Variants in RAD54L observed in about 807,000 individuals in gnomAD.
RAD54L encodes RAD54 like.
Under a neutral mutation model 91.6 loss-of-function variants are expected in RAD54L, and 74 were observed. The ratio of observed to expected loss-of-function variants is 0.81; its 90% CI spans 0.67 to 0.98. The LOEUF (loss-of-function observed/expected upper bound fraction) is 0.98, where lower values mean the gene tolerates loss of function less well. RAD54L is among the 50% of genes least tolerant of loss of function. RAD54L has a pLI of 0.00. For synonymous variants in RAD54L, 304 were observed against 349.7 expected (o/e 0.87, Z 1.46); for missense variants, 887 against 945.7 (o/e 0.94, Z 0.81).
Position 46,273,395 on chromosome 1 carries a change from T to A in RAD54L, c.1416T>A (p.Asp472Glu), listed in dbSNP as rs374681929. Residue 472 changes from aspartate to glutamate, a missense_variant, in exon 13 of 18, where the codon GAT becomes GAA. Physicochemically the swap from Asp to Glu is conservative, Grantham distance 45 (BLOSUM62 2). Transcript: ENST00000371975. ...ATGATAAGTGTGTGGAAGAGGAGGA[T>A]GGCTTTGTGGGTGCCTTGGACCTCT... ...LIYDKCVEEE[D>E]GFVGALDLFP... 24 of 1,614,038 alleles carry A rather than the reference T, an allele frequency of 1.5e-5. No individual in the cohort carries two copies. In the Middle Eastern group the frequency reaches 6.6e-4, roughly 44 times the overall value.
chr1:46,248,309 C>A lies in RAD54L; in HGVS notation c.-97C>A. On this transcript the variant is annotated 5_prime_UTR_variant, in exon 1 of 18. Coordinates refer to ENST00000371975, the MANE Select transcript of RAD54L (RefSeq NM_003579.4). ...GGTCCTCTCAATAATGTAGCAGCCC[C>A]CTCTACAGATTAGACCCTGGTCCTA... 6.9e-7 allele frequency: 1 copy of A among 1,453,368 alleles called. No homozygotes were observed. The highest frequency in any genetic ancestry group is 9.6e-7 in the Non-Finnish European group (1 of 1,043,428). The allele number at this position is 1,453,368 out of a possible 1,614,324, so 90.0% of individuals were successfully genotyped here.
Position 46,278,442 on chromosome 1 carries a change from G to T in RAD54L, c.*160G>T, listed in dbSNP as rs1170115832. On this transcript the variant is annotated 3_prime_UTR_variant, in exon 18 of 18. Coordinates refer to ENST00000371975, the MANE Select transcript of RAD54L (RefSeq NM_003579.4). ...TTATTTTATAAGAAAAACTTTTTTG[G>T]TTAAAAAAAAGAATAAAGGTATGAA... is the stretch of plus-strand genomic sequence containing the variant. 1.1e-6 allele frequency: 1 copy of T among 906,464 alleles called. No homozygotes were observed. The allele number at this position is 906,464 out of a possible 1,614,324, so 56.2% of individuals were successfully genotyped here.
intron 16 of RAD54L, among the ~76,000 whole-genome samples, chr1:46,275,322 G>A (rs1225147554): frequency 6.6e-6 from 1 of 152,078 alleles, no homozygotes; most frequent in African/African-American, 2.4e-5. Flanking sequence ...AGATCACACC[G>A]TGGAACTTGT....
rs35831141 is a variant in RAD54L, at chr1:46,265,174, A to ATT, written c.892-2276_892-2275dup. 6.6e-6 allele frequency among the ~76,000 whole-genome samples: 1 copy of ATT among 151,530 alleles called. No homozygotes were observed. The highest frequency in any genetic ancestry group is 1.9e-4 in the East Asian group (1 of 5,134). On this transcript the variant is annotated intron_variant, in intron 8 of 17. Transcript: ENST00000371975. This position sits in a 1 kb window ranked among gnomAD's most constrained non-coding sequence, Gnocchi z 4.8. ...GGGCTAGTACTTGGAGCCTCTAATA[A>ATT]TTTTTTTTTTCTTAATTAAATTTCT... is the stretch of plus-strand genomic sequence containing the variant.
At chr1:46,275,297 G>A (rs1019709593) in intron 16 of RAD54L, among the ~76,000 whole-genome samples, 8 of 152,290 alleles carry the variant, frequency 5.3e-5, no homozygotes, top group South Asian at 2.1e-4. Flanking sequence ...ACCCCGCTTC[G>A]TCTAATTATT....
Position 46,261,245 on chromosome 1 carries a change from A to G in RAD54L, c.767-16A>G. 6.2e-7 allele frequency: 1 copy of G among 1,607,912 alleles called. No individual in the cohort carries two copies. The highest frequency in any genetic ancestry group is 8.5e-7 in the Non-Finnish European group (1 of 1,178,654). On this transcript the variant is annotated splice_polypyrimidine_tract_variant and intron_variant, in intron 7 of 17. Coordinates refer to ENST00000371975, the MANE Select transcript of RAD54L (RefSeq NM_003579.4). ...AAAGATTCTGAATTGTTCCCTTTACACCTTTTCTGTTGTAGAAGGATTCAT... is the reference window on the plus strand; with the variant it reads ...AAAGATTCTGAATTGTTCCCTTTACGCCTTTTCTGTTGTAGAAGGATTCAT...
intron 2 of RAD54L, 47 bp downstream of exon 2, chr1:46,248,645 G>T (rs771198310): frequency 2.5e-6 from 4 of 1,576,152 alleles, no homozygotes; most frequent in Non-Finnish European, 2.6e-6. Context: ...TGTTTGGACA[G>T]AAAAGAAGCC....
chr1:46,261,052 C>T, intron 7 of RAD54L, 37 bp downstream of exon 7: 1 of 1,604,006 alleles, frequency 6.2e-7, no homozygotes, highest in East Asian at 2.2e-5. Context: ...CACTCTCCTG[C>T]ACAGCCTGCT....
intron 13 of RAD54L, 78 bp from the exon 14 acceptor site, chr1:46,273,545 TC>T: frequency 6.2e-7 from 1 of 1,612,008 alleles, no homozygotes; most frequent in Non-Finnish European, 8.5e-7. Context: ...CTGTCCTGTT[TC>T]AAGGCAGGAT....
chr1:46,256,058 T>C (rs1659931491), intron 3 of RAD54L, among the ~76,000 whole-genome samples: 1 of 152,162 alleles, frequency 6.6e-6, no homozygotes, highest in Non-Finnish European at 1.5e-5. Context: ...CCATCTCCTT[T>C]TCCTCTCATT....
At chr1:46,270,491 C>G (rs1660391143) in intron 9 of RAD54L, among the ~76,000 whole-genome samples, 168 bp from the exon 10 acceptor site, 1 of 152,160 alleles carries the variant, frequency 6.6e-6, no homozygotes. Flanking sequence ...TTCAAGTCTT[C>G]ACTGCTTTGA....
At chr1:46,254,809 ACTCCTGGGTTCTAGCAATC>A (rs1254520289) in intron 3 of RAD54L, among the ~76,000 whole-genome samples, 66 of 151,848 alleles carry the variant, frequency 4.3e-4, no homozygotes, top group Non-Finnish European at 7.4e-5. Context: ...CAGGTTTCAA[ACTCCTGGGTTCTAGCAATC>A]CTCCTGTCTT....
chr1:46,260,189 T>C (rs1220861644), intron 5 of RAD54L, 90 bp downstream of exon 5: 1 of 1,567,282 alleles, frequency 6.4e-7, no homozygotes, highest in Non-Finnish European at 8.7e-7. Flanking sequence ...TGTGATTTCT[T>C]TTTAGGATTG....
In RAD54L at chr1:46,272,750, G is replaced by T; in HGVS notation, c.1323G>T (p.Lys441Asn). Residue 441 changes from lysine to asparagine, a missense_variant, in exon 12 of 18, where the codon AAG becomes AAT. By Grantham distance (94) the Lys-to-Asn change is moderately conservative. Coordinates refer to ENST00000371975, the MANE Select transcript of RAD54L (RefSeq NM_003579.4). ...CGGCAGAAGAATTGCTTGAGGGCAAGATGAGTGTGTCTTCCCTTTCTTCCA... is the reference window on the plus strand; with the variant it reads ...CGGCAGAAGAATTGCTTGAGGGCAATATGAGTGTGTCTTCCCTTTCTTCCA... Reference protein sequence around the residue: ...AKPAEELLEGKMSVSSLSSIT... With the variant: ...AKPAEELLEGNMSVSSLSSIT... 1 of 1,614,196 alleles carries T rather than the reference G, an allele frequency of 6.2e-7. No homozygotes were observed. Among genetic ancestry groups the T allele is most frequent in the Non-Finnish European group, 8.5e-7 (1 of 1,180,022 alleles).
Position 46,257,669 on chromosome 1 carries a change from T to C in RAD54L, c.211-1017T>C, listed in dbSNP as rs1430780119. On this transcript the variant is annotated intron_variant, in intron 3 of 17. Coordinates refer to ENST00000371975, the MANE Select transcript of RAD54L (RefSeq NM_003579.4). ...GCTGTCACCCTTGTCCCACTTGCTTTTTCTTAGTGTTGGGCTTAGCTTCTC... is the reference window on the plus strand; with the variant it reads ...GCTGTCACCCTTGTCCCACTTGCTTCTTCTTAGTGTTGGGCTTAGCTTCTC... Among the ~76,000 whole-genome samples, 7 of 152,210 alleles carry C rather than the reference T, an allele frequency of 4.6e-5. No individual in the cohort carries two copies. In the East Asian group the frequency reaches 1.2e-3, roughly 25 times the overall value.
Position 46,277,816 on chromosome 1 carries a change from G to T in RAD54L, c.1870-1G>T. 6.2e-7 allele frequency: 1 copy of T among 1,605,120 alleles called. No homozygotes were observed. On this transcript the variant is annotated splice_acceptor_variant, in intron 16 of 17. Transcript: ENST00000371975. LOFTEE classifies it high-confidence loss of function. ...GACATTCCCCACCTCCTCTTCCCCA[G>T]GCAGGGACCATTGAGGAGAAGATCT...
chr1:46,250,935 C>A (rs539808101), intron 3 of RAD54L, among the ~76,000 whole-genome samples: 41 of 150,688 alleles, frequency 2.7e-4, no homozygotes, highest in African/African-American at 9.0e-4. Context: ...CACGCCACTG[C>A]ACTCCAGCCT....
At position 46,273,740 on chromosome 1, in the gene RAD54L, GC is replaced by G. The variant is rs752914030; in HGVS notation, c.1606del (p.Arg536GlufsTer21). 30 of 1,606,664 alleles carry G rather than the reference GC, an allele frequency of 1.9e-5. 1 individual carries two copies. In the South Asian group the frequency reaches 3.3e-4, roughly 18 times the overall value. On this transcript the variant is annotated frameshift_variant, in exon 14 of 18. Coordinates refer to ENST00000371975, the MANE Select transcript of RAD54L (RefSeq NM_003579.4). LOFTEE classifies it high-confidence loss of function. ...GGATCTCTTTGAGAAGCTGTGCCGT[GC>G]CCGAAGGTAGGGAAGATCCTAACCA... The part of the protein sequence containing the change: ...TLDLFEKLCR[A>X]RRYLYVRLDG...
At position 46,273,814 on chromosome 1, in the gene RAD54L, G is replaced by A. The variant is rs942826441; in HGVS notation, c.1610+67G>A. On this transcript the variant is annotated intron_variant, in intron 14 of 17. Transcript: ENST00000371975. ...CCTCCCCTACTGTCTGTCTAGTTCT[G>A]ATTTGTGGATGTGGGCCAAGATCTG... 1.9e-6 allele frequency: 3 copies of A among 1,551,046 alleles called. No individual in the cohort carries two copies. In the African/African-American group the frequency reaches 4.1e-5, roughly 21 times the overall value.
Sources: allele counts gnomAD v4.1 joint callset (sites outside exome capture counted in the v4.1 genomes callset), GRCh38; gene constraint gnomAD v4.1.1; non-coding constraint Gnocchi (gnomAD v3.1); transcripts MANE v1.5; gene names NCBI Gene and HGNC (gene_info 2026-07-23, HGNC 2026-07-21).